Variants in SCG5 observed in about 807,000 individuals in gnomAD.
SCG5 encodes the protein neuroendocrine protein 7B2.
A neutral mutation model predicts 25.7 loss-of-function variants in SCG5; 18 were observed. That is an observed-to-expected ratio of 0.70 (90% CI 0.48 to 1.04). The LOEUF is 1.04. Ranked by LOEUF, SCG5 falls within the 50% of genes least tolerant of loss-of-function variation. The pLI, the probability that SCG5 is intolerant of heterozygous loss-of-function variation, is 0.00. For missense variants in SCG5, 206 were observed against 259.8 expected (o/e 0.79, Z 1.42); for synonymous variants, 101 against 91.7 (o/e 1.10, Z -0.58).
chr15:32,675,514 G>A (rs2054515817), intron 2 of SCG5, among the ~76,000 whole-genome samples: 3 of 152,142 alleles, frequency 2.0e-5, no homozygotes, highest in Admixed American at 6.5e-5. Flanking sequence ...ACATTATGTT[G>A]GGAATATATC....
At chr15:32,655,156 A>G (rs1456762167) in intron 2 of SCG5, among the ~76,000 whole-genome samples, 1 of 152,124 alleles carries the variant, frequency 6.6e-6, no homozygotes, top group Non-Finnish European at 1.5e-5. Flanking sequence ...ACAATACAAA[A>G]AATTAGCTGG....
chr15:32,671,699 G>GGA (rs2140550790), intron 2 of SCG5, among the ~76,000 whole-genome samples: 1 of 143,748 alleles, frequency 7.0e-6, no homozygotes, highest in African/African-American at 2.6e-5. Flanking sequence ...CTCAAGTAGT[G>GGA]AAAAAAAAAA....
intron 2 of SCG5, among the ~76,000 whole-genome samples, chr15:32,644,643 C>T (rs1047935124): frequency 2.6e-5 from 4 of 152,074 alleles, no homozygotes; most frequent in Non-Finnish European, 5.9e-5. Flanking sequence ...GCTTTTTATC[C>T]TCTGATTCTA....
intron 2 of SCG5, among the ~76,000 whole-genome samples, chr15:32,651,725 T>C (rs2054033425): frequency 6.6e-6 from 1 of 152,250 alleles, no homozygotes; most frequent in African/African-American, 2.4e-5. Context: ...TTTCAGTTTT[T>C]CTCTGTTGAG....
Position 32,672,704 on chromosome 15 carries a change from T to TG in SCG5, c.227-7057dup, listed in dbSNP as rs550228000. Among the ~76,000 whole-genome samples the TG allele has an allele frequency of 3.0e-3, 454 of 152,212 alleles. 2 individuals carry two copies. Among genetic ancestry groups the TG allele is most frequent in the African/African-American group, 0.01 (426 of 41,520 alleles). Reference sequence around the variant, plus strand: ...GTATGAATGGACGCAGAAGGCCTCGTGGGGGCTCTCTCAGTGCCACTGTAG... The same window carrying TG: ...GTATGAATGGACGCAGAAGGCCTCGTGGGGGGCTCTCTCAGTGCCACTGTAG... On this transcript the variant is annotated intron_variant, in intron 2 of 5. Transcript: ENST00000300175.
chr15:32,676,346 C>T (rs920233118), intron 2 of SCG5, among the ~76,000 whole-genome samples: 2 of 152,182 alleles, frequency 1.3e-5, no homozygotes, highest in African/African-American at 4.8e-5. Context: ...CTTTGGCAGG[C>T]CTTCCATAAG....
At chr15:32,674,579 AC>A (rs1433038951) in intron 2 of SCG5, among the ~76,000 whole-genome samples, 3 of 152,192 alleles carry the variant, frequency 2.0e-5, no homozygotes, top group African/African-American at 7.2e-5. Flanking sequence ...TTTTTAAGTA[AC>A]CAGAAAAGTT....
chr15:32,692,111 GA>G, intron 5 of SCG5: 1 of 1,129,140 alleles, frequency 8.9e-7, no homozygotes. Context: ...GGCCAGTGGG[GA>G]AAAACTGATC....
intron 2 of SCG5, among the ~76,000 whole-genome samples, chr15:32,652,244 G>C (rs1033634641): frequency 6.6e-6 from 1 of 152,144 alleles, no homozygotes; most frequent in African/African-American, 2.4e-5. Context: ...GCTTTGGGCA[G>C]AGCCGGCTCT....
intron 2 of SCG5, among the ~76,000 whole-genome samples, chr15:32,654,275 C>G (rs1345347273): frequency 1.3e-5 from 2 of 152,194 alleles, no homozygotes; most frequent in Non-Finnish European, 2.9e-5. Context: ...GATTCCGTGC[C>G]TGGGGAGAGA....
At chr15:32,646,754 C>T (rs2053949869) in intron 2 of SCG5, among the ~76,000 whole-genome samples, 1 of 152,158 alleles carries the variant, frequency 6.6e-6, no homozygotes, top group South Asian at 2.1e-4. Flanking sequence ...GTTGGGTGGT[C>T]TGATCATTTA....
rs975947535 is a variant in SCG5, at chr15:32,657,394, A to G, written c.226+13576A>G. ...TGTATTGGTGTTGACCTTAGGCGTG[A>G]GAAACATGTGACTGTAATGAGGATG... On this transcript the variant is annotated intron_variant, in intron 2 of 5. Coordinates refer to ENST00000300175, the MANE Select transcript of SCG5 (RefSeq NM_001144757.3). 4.6e-5 allele frequency among the ~76,000 whole-genome samples: 7 copies of G among 150,910 alleles called. 1 individual carries two copies.
intron 2 of SCG5, among the ~76,000 whole-genome samples, chr15:32,667,224 T>A (rs2054334478): frequency 6.6e-6 from 1 of 152,234 alleles, no homozygotes; most frequent in African/African-American, 2.4e-5. Flanking sequence ...TATACTATTT[T>A]AAAATAATAT....
intron 2 of SCG5, among the ~76,000 whole-genome samples, chr15:32,655,892 T>A (rs1025882377): frequency 6.6e-6 from 1 of 152,218 alleles, no homozygotes; most frequent in Non-Finnish European, 1.5e-5. Context: ...TGGTCTAAAG[T>A]ATTTTTTACA....
chr15:32,661,884 G>A (rs2054225919), intron 2 of SCG5, among the ~76,000 whole-genome samples: 2 of 152,062 alleles, frequency 1.3e-5, no homozygotes, highest in South Asian at 2.1e-4. Context: ...ACCACCTAGA[G>A]ATACCCACTT....
At chr15:32,695,080 A>G (rs1486441005) in intron 5 of SCG5, among the ~76,000 whole-genome samples, 1 of 150,972 alleles carries the variant, frequency 6.6e-6, no homozygotes, top group Non-Finnish European at 1.5e-5. Context: ...CAGTGGCGCA[A>G]TCTCGGCTCA....
intron 2 of SCG5, among the ~76,000 whole-genome samples, chr15:32,662,072 A>G (rs1270631111): frequency 6.6e-6 from 1 of 152,236 alleles, no homozygotes; most frequent in African/African-American, 2.4e-5. Context: ...TTATATGTTT[A>G]TGCCTCAATT....
chr15:32,670,862 G>A (rs1187060934), intron 2 of SCG5, among the ~76,000 whole-genome samples: 1 of 152,206 alleles, frequency 6.6e-6, no homozygotes, highest in African/African-American at 2.4e-5. Context: ...CCTGAGCCCT[G>A]TTGCTCAATA....
chr15:32,677,191 C>A (rs1010762751), intron 2 of SCG5, among the ~76,000 whole-genome samples: 4 of 152,132 alleles, frequency 2.6e-5, no homozygotes, highest in African/African-American at 9.7e-5. Flanking sequence ...CTAGATACTT[C>A]TCATCATTCT....
Sources: gnomAD v4.1 joint callset for allele counts (sites outside exome capture counted in the v4.1 genomes callset) on GRCh38, gnomAD v4.1.1 for gene constraint, MANE v1.5 for transcripts, NCBI Gene and HGNC (gene_info 2026-07-23, HGNC 2026-07-21) for gene names.